PHACTR2: variants seen among roughly 807,000 people sequenced by gnomAD.
PHACTR2 encodes the protein phosphatase and actin regulator 2.
PHACTR2 carries 30 observed loss-of-function variants against 76.0 expected under a neutral mutation model. That is an observed-to-expected ratio of 0.39 (90% CI 0.30 to 0.54). The LOEUF (loss-of-function observed/expected upper bound fraction) is 0.54, where lower values mean the gene tolerates loss of function less well. PHACTR2 is among the 20% of genes least tolerant of loss of function. PHACTR2 has a pLI of 0.61. For synonymous variants in PHACTR2, 292 were observed against 292.5 expected (o/e 1.00, Z 0.02); for missense variants, 696 against 781.1 (o/e 0.89, Z 1.30).
Position 143,775,831 on chromosome 6 carries a change from A to G in PHACTR2, c.1590-1497A>G, listed in dbSNP as rs1775260425. Reference sequence around the variant, plus strand: ...AAATGTCAAAGTAGCAGTAAAGAAAATTTTGTAAGTTTTTGTTAAAATCCT... The same window carrying G: ...AAATGTCAAAGTAGCAGTAAAGAAAGTTTTGTAAGTTTTTGTTAAAATCCT... On this transcript the variant is annotated intron_variant, in intron 8 of 12. Coordinates refer to ENST00000440869, the MANE Select transcript of PHACTR2 (RefSeq NM_001100164.2). This position sits in a 1 kb window ranked among gnomAD's most constrained non-coding sequence, Gnocchi z 4.4. Among the ~76,000 whole-genome samples, 1 of 152,236 alleles carries G rather than the reference A, an allele frequency of 6.6e-6. No homozygotes were observed. The highest frequency in any genetic ancestry group is 1.5e-5 in the Non-Finnish European group (1 of 68,048).
At chr6:143,804,814 G>A (rs1195376575) in intron 11 of PHACTR2, among the ~76,000 whole-genome samples, 1 of 152,108 alleles carries the variant, frequency 6.6e-6, no homozygotes, top group East Asian at 1.9e-4. Context: ...CATTCCAGTG[G>A]ACTCTTCATA....
Position 143,658,945 on chromosome 6 carries a change from A to T in PHACTR2, c.13+50623A>T, listed in dbSNP as rs1441579183. ...AGGCTGAGGCAGGAGAATCGCTTGA[A>T]CCCAGGAGGTGGAGGCTGAAGTGAG... On this transcript the variant is annotated intron_variant, in intron 1 of 11. Transcript: ENST00000305766. This position sits in a 1 kb window ranked among gnomAD's most constrained non-coding sequence, Gnocchi z 4.1. Among the ~76,000 whole-genome samples, 1 of 151,730 alleles carries T rather than the reference A, an allele frequency of 6.6e-6. No individual in the cohort carries two copies. Among genetic ancestry groups the T allele is most frequent in the East Asian group, 1.9e-4 (1 of 5,158 alleles).
In PHACTR2 at chr6:143,731,527, T is replaced by C. The variant is rs1269969938; in HGVS notation, c.215-17458T>C. ...GTCTCGAACTCTGGACCTCAGGTGATCTGCCCGCCTCGGCCTCCCAAAGTG... is the reference window on the plus strand; with the variant it reads ...GTCTCGAACTCTGGACCTCAGGTGACCTGCCCGCCTCGGCCTCCCAAAGTG... On this transcript the variant is annotated intron_variant, in intron 2 of 12. Transcript: ENST00000440869. This position sits in a 1 kb window ranked among gnomAD's most constrained non-coding sequence, Gnocchi z 4.9. Among the ~76,000 whole-genome samples the C allele has an allele frequency of 6.6e-6, 1 of 152,232 alleles. No individual in the cohort carries two copies. Among genetic ancestry groups the C allele is most frequent in the Non-Finnish European group, 1.5e-5 (1 of 68,030 alleles).
chr6:143,680,457 ATACTTATCGCT>A lies in PHACTR2; in HGVS notation c.46+2249_46+2259del, dbSNP rs1161555403. ...TCAATAGCACAGAGTTTAATTATTC[ATACTTATCGCT>A]CAATTTGGCCTTTTGTAAAAATCTT... is the stretch of plus-strand genomic sequence containing the variant. On this transcript the variant is annotated intron_variant, in intron 1 of 12. Coordinates refer to ENST00000440869, the MANE Select transcript of PHACTR2 (RefSeq NM_001100164.2). This position sits in a 1 kb window ranked among gnomAD's most constrained non-coding sequence, Gnocchi z 4.5. 9.2e-5 allele frequency among the ~76,000 whole-genome samples: 14 copies of A among 152,344 alleles called. No homozygotes were observed. The highest frequency in any genetic ancestry group is 8.5e-4 in the Admixed American group (13 of 15,304).
chr6:143,781,074 A>G (rs1194018643), intron 9 of PHACTR2, among the ~76,000 whole-genome samples: 1 of 152,192 alleles, frequency 6.6e-6, no homozygotes, highest in Non-Finnish European at 1.5e-5. Flanking sequence ...AGTCCTGGAG[A>G]TCAAGACAAG....
rs537057068 is a variant in PHACTR2, at chr6:143,733,496, G to A, written c.215-15489G>A. The stretch of plus-strand genomic sequence containing the variant: ...GGAGCATTTGCAAGTGAATCTTTTC[G>A]ATTTGGAAAGTGCTGGATTTGGGGT... On this transcript the variant is annotated intron_variant, in intron 2 of 12. Transcript: ENST00000440869. The surrounding 1 kb of genome is among the most constrained non-coding windows in gnomAD (Gnocchi z 4.0). Among the ~76,000 whole-genome samples the A allele has an allele frequency of 7.1e-4, 108 of 152,092 alleles. 1 individual carries two copies. The highest frequency in any genetic ancestry group is 2.3e-3 in the African/African-American group (96 of 41,520).
chr6:143,542,218 C>G (rs565752429), intron 1 of PHACTR2, among the ~76,000 whole-genome samples: 1 of 152,116 alleles, frequency 6.6e-6, no homozygotes, highest in East Asian at 1.9e-4. Context: ...GACATGTGTG[C>G]CTTCCTTCTC....
chr6:143,552,876 C>A (rs1042298887), intron 1 of PHACTR2, among the ~76,000 whole-genome samples: 1 of 136,614 alleles, frequency 7.3e-6, no homozygotes, highest in African/African-American at 2.8e-5. Context: ...GAGCAAGACT[C>A]CATCTCAAAA....
rs1020167949 is a variant in PHACTR2 at position 143,689,044 on chromosome 6, C to G, written c.46+10835C>G. The stretch of plus-strand genomic sequence containing the variant: ...CTGCCTTTTTCAGTCCTCAAACAAG[C>G]CTGGATCAGTCCCACCCATGGACCT... On this transcript the variant is annotated intron_variant, in intron 1 of 12. Coordinates refer to ENST00000440869, the MANE Select transcript of PHACTR2 (RefSeq NM_001100164.2). The surrounding 1 kb of genome is among the most constrained non-coding windows in gnomAD (Gnocchi z 4.4). Among the ~76,000 whole-genome samples, 1 of 152,178 alleles carries G rather than the reference C, an allele frequency of 6.6e-6. No homozygotes were observed. Among genetic ancestry groups the G allele is most frequent in the African/African-American group, 2.4e-5 (1 of 41,456 alleles).
rs67124785 is a variant in PHACTR2, at chr6:143,827,155, A to AATATATATATAT, written c.*3499_*3510dup. ...GGGCTGCGTTGGCATTAAAAAAGAA[A>AATATATATATAT]ATATATATATATATATATATATATA... On this transcript the variant is annotated 3_prime_UTR_variant, in exon 13 of 13. Coordinates refer to ENST00000440869, the MANE Select transcript of PHACTR2 (RefSeq NM_001100164.2). The AATATATATATAT allele has an allele frequency of 1.9e-3, 144 of 77,200 alleles. 7 individuals are homozygous for AATATATATATAT. The highest frequency in any genetic ancestry group is 2.3e-3 in the Non-Finnish European group (96 of 41,018). 4.8% of individuals were successfully genotyped at this position (77,200 alleles called of 1,614,324 possible). A position where few individuals can be genotyped will look rare whatever the true frequency, so the allele number is the denominator to read the frequency against.
Position 143,821,819 on chromosome 6 carries a change from C to T in PHACTR2, c.1923-1855C>T, listed in dbSNP as rs1776424998. Among the ~76,000 whole-genome samples the T allele has an allele frequency of 6.6e-6, 1 of 152,186 alleles. No homozygotes were observed. Among genetic ancestry groups the T allele is most frequent in the Non-Finnish European group, 1.5e-5 (1 of 68,020 alleles). On this transcript the variant is annotated intron_variant, in intron 12 of 12. Transcript: ENST00000440869. The surrounding 1 kb of genome is among the most constrained non-coding windows in gnomAD (Gnocchi z 5.2). ...CAGCCTGAGCAACATAGCAAAACCC[C>T]ATTTCTACTAAAAATACAAATATTA... is the stretch of plus-strand genomic sequence containing the variant.
In PHACTR2 at chr6:143,680,990, T is replaced by G. The variant is rs1777377962; in HGVS notation, c.46+2781T>G. On this transcript the variant is annotated intron_variant, in intron 1 of 12. Coordinates refer to ENST00000440869, the MANE Select transcript of PHACTR2 (RefSeq NM_001100164.2). This position sits in a 1 kb window ranked among gnomAD's most constrained non-coding sequence, Gnocchi z 4.5. ...TCTACTGTATGAATATGCCACATTTTATTTATCCATTTATCAGTTGATGGA... is the reference window on the plus strand; with the variant it reads ...TCTACTGTATGAATATGCCACATTTGATTTATCCATTTATCAGTTGATGGA... Among the ~76,000 whole-genome samples, 1 of 152,232 alleles carries G rather than the reference T, an allele frequency of 6.6e-6. No individual in the cohort carries two copies. Among genetic ancestry groups the G allele is most frequent in the South Asian group, 2.1e-4 (1 of 4,838 alleles).
intron 1 of PHACTR2, among the ~76,000 whole-genome samples, chr6:143,566,824 G>A (rs112897569): frequency 0.027 from 3,950 of 146,116 alleles, 103 homozygotes; most frequent in Non-Finnish European, 0.035. Flanking sequence ...AAAGAATAAG[G>A]ACTTTTCAAA....
Position 143,559,190 on chromosome 6 carries a change from C to T in PHACTR2, c.217+21983C>T, listed in dbSNP as rs182615465. Among the ~76,000 whole-genome samples the T allele has an allele frequency of 2.7e-4, 41 of 152,296 alleles. No individual in the cohort carries two copies. In the Middle Eastern group the frequency reaches 0.01, roughly 38 times the overall value. ...CAATAGAGCAAGTGCCTTCATGCTC[C>T]GCTCCTTTGGGGTAGCTTTGGATTT... On this transcript the variant is annotated intron_variant, in intron 1 of 11. Coordinates refer to the PHACTR2 transcript ENST00000367584.
rs1021902127 is a variant in PHACTR2, at chr6:143,660,465, A to G, written c.14-51551A>G. Reference sequence around the variant, plus strand: ...AGGAAAGAGACTCCCCCATGATTCAATTGCCTCCCACCAGGTCCCTCCCAC... The same window carrying G: ...AGGAAAGAGACTCCCCCATGATTCAGTTGCCTCCCACCAGGTCCCTCCCAC... On this transcript the variant is annotated intron_variant, in intron 1 of 11. Transcript: ENST00000305766. Among the ~76,000 whole-genome samples, 15 of 152,130 alleles carry G rather than the reference A, an allele frequency of 9.9e-5. 1 individual carries two copies. Among genetic ancestry groups the G allele is most frequent in the African/African-American group, 2.9e-4 (12 of 41,420 alleles).
At chr6:143,660,211 C>T (rs1776923817) in intron 1 of PHACTR2, among the ~76,000 whole-genome samples, 1 of 150,238 alleles carries the variant, frequency 6.7e-6, no homozygotes, top group African/African-American at 2.5e-5. Flanking sequence ...TTTCATGCTG[C>T]TGATAAAGAC....
At position 143,624,019 on chromosome 6, in the gene PHACTR2, C is replaced by T. The variant is rs1776208843; in HGVS notation, c.13+15697C>T. Among the ~76,000 whole-genome samples, 1 of 152,012 alleles carries T rather than the reference C, an allele frequency of 6.6e-6. No individual in the cohort carries two copies. The highest frequency in any genetic ancestry group is 2.1e-4 in the South Asian group (1 of 4,816). On this transcript the variant is annotated intron_variant, in intron 1 of 11. Coordinates refer to the PHACTR2 transcript ENST00000305766. The surrounding 1 kb of genome is among the most constrained non-coding windows in gnomAD (Gnocchi z 4.6). ...ACCCTGCCTCCCCACCCACTCCCCA[C>T]CCTGCCCCAGTGTAAGCTATTATTG...
intron 12 of PHACTR2, among the ~76,000 whole-genome samples, chr6:143,817,461 G>A (rs1009558899): frequency 2.6e-5 from 4 of 152,188 alleles, no homozygotes; most frequent in African/African-American, 4.8e-5. Flanking sequence ...GACAATGCTG[G>A]TGTGCCCTGC....
Position 143,619,231 on chromosome 6 carries a change from G to C in PHACTR2, c.13+10909G>C, listed in dbSNP as rs927401285. 1.3e-4 allele frequency among the ~76,000 whole-genome samples: 19 copies of C among 151,958 alleles called. No homozygotes were observed. Among genetic ancestry groups the C allele is most frequent in the Non-Finnish European group, 2.2e-4 (15 of 68,006 alleles). On this transcript the variant is annotated intron_variant, in intron 1 of 11. Transcript: ENST00000305766. The surrounding 1 kb of genome is among the most constrained non-coding windows in gnomAD (Gnocchi z 4.5). ...TCTATTTTTCTGTCTACCTATCATT[G>C]ATCAAGAGCCCTACCAGCCCCACTC... is the stretch of plus-strand genomic sequence containing the variant.
Sources: allele counts gnomAD v4.1 joint callset (sites outside exome capture counted in the v4.1 genomes callset), GRCh38; gene constraint gnomAD v4.1.1; non-coding constraint Gnocchi (gnomAD v3.1); transcripts MANE v1.5; gene names NCBI Gene and HGNC (gene_info 2026-07-23, HGNC 2026-07-21).